ASIC2: variants seen among roughly 807,000 people sequenced by gnomAD.
ASIC2 encodes acid-sensing ion channel 2.
A neutral mutation model predicts 57.3 loss-of-function variants in ASIC2; 25 were observed. That is an observed-to-expected ratio of 0.44 (90% CI 0.32 to 0.61). The LOEUF (loss-of-function observed/expected upper bound fraction) is 0.61. Ranked by LOEUF, ASIC2 falls within the 20% of genes least tolerant of loss-of-function variation. The pLI, the probability that ASIC2 is intolerant of heterozygous loss-of-function variation, is 0.06. For synonymous variants in ASIC2, 319 were observed against 307.5 expected (o/e 1.04, Z -0.39); for missense variants, 641 against 738.1 (o/e 0.87, Z 1.52).
intron 1 of ASIC2, among the ~76,000 whole-genome samples, chr17:33,899,665 G>A (rs573505693): frequency 6.6e-6 from 1 of 152,288 alleles, no homozygotes; most frequent in East Asian, 1.9e-4. Flanking sequence ...TGGAGACCCG[G>A]TATGAGATAC....
chr17:33,271,307 C>T (rs1279591266), intron 1 of ASIC2, among the ~76,000 whole-genome samples: 1 of 152,174 alleles, frequency 6.6e-6, no homozygotes. Flanking sequence ...TTATGCGATC[C>T]CACCCAGTCC....
chr17:33,742,380 T>C (rs527907972), intron 1 of ASIC2, among the ~76,000 whole-genome samples: 1 of 152,320 alleles, frequency 6.6e-6, no homozygotes, highest in East Asian at 1.9e-4. Flanking sequence ...CTACTTATCC[T>C]TAAGTTGAAG....
At chr17:33,995,978 G>T (rs1906147504) in intron 1 of ASIC2, among the ~76,000 whole-genome samples, 1 of 152,078 alleles carries the variant, frequency 6.6e-6, no homozygotes, top group African/African-American at 2.4e-5. Flanking sequence ...GCGTACAAGG[G>T]TTTCCTTTTC....
intron 1 of ASIC2, chr17:34,039,789 T>A (rs1167671758): frequency 7.4e-6 from 12 of 1,610,998 alleles, no homozygotes; most frequent in Non-Finnish European, 1.0e-5. Flanking sequence ...TATTAAGTGG[T>A]CCCTTACTAA....
Position 34,049,921 on chromosome 17 carries a change from T to C in ASIC2, c.555+106057A>G, listed in dbSNP as rs140490755. On this transcript the variant is annotated intron_variant, in intron 1 of 9. Transcript: ENST00000359872. ...TATTGAAATTCTCTGTTTACCTGCC[T>C]GACTCCTCAACTGTGAGAGCAGAGT... Among the ~76,000 whole-genome samples the C allele has an allele frequency of 4.3e-3, 654 of 152,312 alleles. 3 individuals are homozygous for C. Among genetic ancestry groups the C allele is most frequent in the Non-Finnish European group, 7.2e-3 (487 of 68,026 alleles).
At chr17:33,683,369 T>C (rs1487861626) in intron 1 of ASIC2, among the ~76,000 whole-genome samples, 1 of 152,164 alleles carries the variant, frequency 6.6e-6, no homozygotes, top group Admixed American at 6.5e-5. Context: ...CCTTGCCTAA[T>C]TTTAGTTTTT....
intron 1 of ASIC2, among the ~76,000 whole-genome samples, chr17:34,154,812 C>T (rs1406670337): frequency 6.6e-6 from 1 of 152,160 alleles, no homozygotes. Context: ...AGCTCTCAAT[C>T]CTCCCTAAGG....
intron 1 of ASIC2, among the ~76,000 whole-genome samples, chr17:33,372,040 G>A (rs1462574542): frequency 6.6e-6 from 1 of 152,064 alleles, no homozygotes. Context: ...GAGGAATTCA[G>A]ATAGGAATAA....
At chr17:33,799,974 G>T (rs1912084615) in intron 1 of ASIC2, among the ~76,000 whole-genome samples, 1 of 152,106 alleles carries the variant, frequency 6.6e-6, no homozygotes, top group African/African-American at 2.4e-5. Context: ...TCTAAAATTG[G>T]CTCTCACTAG....
chr17:34,039,906 C>G (rs533841808), intron 1 of ASIC2: 2 of 1,564,690 alleles, frequency 1.3e-6, no homozygotes, highest in African/African-American at 1.4e-5. Context: ...CCGCTCCACG[C>G]TCCTCCCTGG....
intron 1 of ASIC2, among the ~76,000 whole-genome samples, chr17:34,062,903 G>A (rs901912878): frequency 1.6e-4 from 25 of 152,044 alleles, no homozygotes; most frequent in Admixed American, 2.0e-4. Flanking sequence ...AAATAATTCA[G>A]TACCAGACGA....
chr17:33,575,819 G>C (rs866979827), intron 1 of ASIC2, among the ~76,000 whole-genome samples: 1 of 152,176 alleles, frequency 6.6e-6, no homozygotes, highest in Non-Finnish European at 1.5e-5. Flanking sequence ...CCCTTCAAAA[G>C]AGGGAGTACA....
At chr17:33,337,679 A>T (rs1385939189) in intron 1 of ASIC2, among the ~76,000 whole-genome samples, 1 of 152,052 alleles carries the variant, frequency 6.6e-6, no homozygotes, top group Non-Finnish European at 1.5e-5. Flanking sequence ...GAGGATGGAG[A>T]TGTTTCTCTG....
At chr17:33,967,048 A>G (rs753483570) in intron 1 of ASIC2, among the ~76,000 whole-genome samples, 1 of 150,552 alleles carries the variant, frequency 6.6e-6, no homozygotes, top group Non-Finnish European at 1.5e-5. Context: ...CTCCACCCCA[A>G]CTCTCCTTTT....
chr17:33,090,826 A>G (rs917535381), intron 2 of ASIC2, among the ~76,000 whole-genome samples: 1 of 152,212 alleles, frequency 6.6e-6, no homozygotes, highest in Non-Finnish European at 1.5e-5. Flanking sequence ...AGAAAGGGCT[A>G]GCAGGCAGAC....
At chr17:33,901,700 A>G (rs1915234323) in intron 1 of ASIC2, among the ~76,000 whole-genome samples, 1 of 152,192 alleles carries the variant, frequency 6.6e-6, no homozygotes, top group African/African-American at 2.4e-5. Flanking sequence ...CCAGAATTCT[A>G]AAGGTGTAGA....
chr17:33,934,887 G>A (rs12943445), intron 1 of ASIC2, among the ~76,000 whole-genome samples: 3,080 of 152,194 alleles, frequency 0.02, 124 homozygotes, highest in African/African-American at 0.07. Flanking sequence ...TCACAGACCT[G>A]TAGTGCCATA....
At chr17:34,117,572 G>A (rs1454285993) in intron 1 of ASIC2, among the ~76,000 whole-genome samples, 1 of 152,198 alleles carries the variant, frequency 6.6e-6, no homozygotes, top group Non-Finnish European at 1.5e-5. Context: ...CTGGGGTCCA[G>A]ACTGGGAAGG....
At chr17:33,644,678 A>G (rs2142035695) in intron 1 of ASIC2, among the ~76,000 whole-genome samples, 1 of 152,362 alleles carries the variant, frequency 6.6e-6, no homozygotes, top group African/African-American at 2.4e-5. Context: ...GTTTAGTATT[A>G]CGTGATGAAT....
Sources: allele counts gnomAD v4.1 joint callset (sites outside exome capture counted in the v4.1 genomes callset), GRCh38; gene constraint gnomAD v4.1.1; transcripts MANE v1.5; gene names NCBI Gene and HGNC (gene_info 2026-07-23, HGNC 2026-07-21).